Variants in MB21D2 observed in about 807,000 individuals in gnomAD.
MB21D2 encodes Mab-21 domain containing 2, also known as nucleotidyltransferase MB21D2.
In MB21D2, 9 loss-of-function variants were observed where a neutral mutation model predicts 33.3. That is an observed-to-expected ratio of 0.27 (90% CI 0.16 to 0.47). MB21D2 has a LOEUF of 0.47. Ranked by LOEUF, MB21D2 falls within the 20% of genes least tolerant of loss-of-function variation. MB21D2 has a pLI of 0.99. For synonymous variants in MB21D2, 241 were observed against 236.3 expected (o/e 1.02, Z -0.18); for missense variants, 540 against 624.6 (o/e 0.86, Z 1.44).
At chr3:192,864,262 A>G (rs1038842637) in intron 1 of MB21D2, among the ~76,000 whole-genome samples, 4 of 152,224 alleles carry the variant, frequency 2.6e-5, no homozygotes, top group Non-Finnish European at 5.9e-5. Context: ...GTGGGGAATA[A>G]GGAGGGAAGG....
At chr3:192,814,409 C>T (rs1408058453) in intron 1 of MB21D2, among the ~76,000 whole-genome samples, 1 of 152,162 alleles carries the variant, frequency 6.6e-6, no homozygotes, top group Non-Finnish European at 1.5e-5. Context: ...AAAACATACT[C>T]TATTGTTTGA....
chr3:192,820,351 G>A (rs991930058), intron 1 of MB21D2, among the ~76,000 whole-genome samples: 10 of 152,158 alleles, frequency 6.6e-5, no homozygotes, highest in South Asian at 4.2e-4. Flanking sequence ...TAACTCCCCC[G>A]AGATAACAAC....
At chr3:192,882,011 G>A (rs1713607036) in intron 1 of MB21D2, among the ~76,000 whole-genome samples, 1 of 152,114 alleles carries the variant, frequency 6.6e-6, no homozygotes, top group Admixed American at 6.5e-5. Flanking sequence ...CTCTTGCCTG[G>A]CTACTTCCTT....
chr3:192,817,959 T>C (rs532933849), intron 1 of MB21D2, among the ~76,000 whole-genome samples: 208 of 135,804 alleles, frequency 1.5e-3, no homozygotes, highest in African/African-American at 5.6e-3. Context: ...CCCAAACGGA[T>C]CCCCCACAAT....
chr3:192,848,803 T>C (rs1019043334), intron 1 of MB21D2, among the ~76,000 whole-genome samples: 4 of 152,342 alleles, frequency 2.6e-5, no homozygotes, highest in South Asian at 2.1e-4. Context: ...GACCTGGTCA[T>C]GTACAGCCAG....
chr3:192,799,298 G>C lies in MB21D2; in HGVS notation c.564C>G (p.Phe188Leu), dbSNP rs201517414. ...ATAGGACAATGCTGATAGAGTCATAGAACCAGTCAGCCACTTTGGTAGGTG... is the reference window on the plus strand; with the variant it reads ...ATAGGACAATGCTGATAGAGTCATACAACCAGTCAGCCACTTTGGTAGGTG... Reference protein sequence around the residue: ...FFSPTKVADWFYDSISIVLSE... With the variant: ...FFSPTKVADWLYDSISIVLSE... The change falls in exon 2 of 2, where the codon TTC (phenylalanine) becomes TTG (leucine). Residue 188 changes from phenylalanine to leucine, a missense_variant. Transcript: ENST00000392452. The surrounding 1 kb of genome is among the most constrained non-coding windows in gnomAD (Gnocchi z 4.1). 1.3e-4 allele frequency: 212 copies of C among 1,614,118 alleles called. 1 individual carries two copies. The highest frequency in any genetic ancestry group is 5.1e-6 in the Non-Finnish European group (6 of 1,180,056).
At chr3:192,825,371 T>C (rs1465235070) in intron 1 of MB21D2, among the ~76,000 whole-genome samples, 1 of 152,166 alleles carries the variant, frequency 6.6e-6, no homozygotes, top group East Asian at 1.9e-4. Context: ...CAAATTCTCA[T>C]GCCAGAGCAA....
intron 1 of MB21D2, among the ~76,000 whole-genome samples, chr3:192,840,301 C>T (rs1712538065): frequency 6.6e-6 from 1 of 151,764 alleles, no homozygotes. Context: ...TCAAAGTCAA[C>T]CAAAAGGACC....
In MB21D2 at chr3:192,798,725, G is replaced by A. The variant is rs777147620; in HGVS notation, c.1137C>T (p.Ile379=). 3.1e-6 allele frequency: 5 copies of A among 1,613,290 alleles called. No individual in the cohort carries two copies. The Admixed American group carries it at 8.3e-5, about 27-fold the overall frequency. The part of the protein sequence containing the change: ...LVNKMCPNYF[I]PQCNMLEHLS... ...GATGTTCCAGCATGTTGCACTGAGG[G>A]ATGAAATAATTGGGGCACATCTTGT... Residue 379 remains isoleucine, a synonymous_variant, in exon 2 of 2, where the codon ATC becomes ATT. Transcript: ENST00000392452. This position sits in a 1 kb window ranked among gnomAD's most constrained non-coding sequence, Gnocchi z 4.8.
intron 1 of MB21D2, among the ~76,000 whole-genome samples, chr3:192,852,583 A>C (rs1373109238): frequency 6.6e-6 from 1 of 152,252 alleles, no homozygotes; most frequent in East Asian, 1.9e-4. Context: ...TCATAGTGAA[A>C]AGAAAAAACA....
chr3:192,818,992 G>A lies in MB21D2; in HGVS notation c.212-19342C>T, dbSNP rs1003989827. ...TGAATATCCGAGAGGCAGGAATTGA[G>A]TTTTTTTTTTGCTAGAATCTGAACT... On this transcript the variant is annotated intron_variant, in intron 1 of 1. Transcript: ENST00000392452. Among the ~76,000 whole-genome samples, 3 of 150,548 alleles carry A rather than the reference G, an allele frequency of 2.0e-5. No homozygotes were observed. In the South Asian group the frequency reaches 6.3e-4, roughly 32 times the overall value.
chr3:192,874,747 G>A (rs778777175), intron 1 of MB21D2, among the ~76,000 whole-genome samples: 5 of 152,162 alleles, frequency 3.3e-5, no homozygotes, highest in Non-Finnish European at 7.3e-5. Flanking sequence ...GGGGAGCACA[G>A]CAGAAAAACA....
At chr3:192,829,853 T>C (rs757401504) in intron 1 of MB21D2, among the ~76,000 whole-genome samples, 25 of 152,102 alleles carry the variant, frequency 1.6e-4, no homozygotes, top group Non-Finnish European at 3.1e-4. Context: ...CAGCCTCCTG[T>C]GTAGCCGGGA....
chr3:192,826,507 G>A (rs1173685758), intron 1 of MB21D2, among the ~76,000 whole-genome samples: 2 of 152,214 alleles, frequency 1.3e-5, no homozygotes, highest in African/African-American at 4.8e-5. Flanking sequence ...GCCTGGCTGT[G>A]TGACAGAATG....
chr3:192,813,740 A>G (rs1711844075), intron 1 of MB21D2, among the ~76,000 whole-genome samples: 1 of 152,170 alleles, frequency 6.6e-6, no homozygotes, highest in Non-Finnish European at 1.5e-5. Flanking sequence ...CTGACCACAC[A>G]CAATTATTTT....
rs567143638 is a variant in MB21D2, at chr3:192,814,069, G to C, written c.212-14419C>G. On this transcript the variant is annotated intron_variant, in intron 1 of 1. Transcript: ENST00000392452. ...TTTGCCTTCGTTTAAATAAGTAAAT[G>C]TTATTTCAAATACTAATTTCCTCAA... is the stretch of plus-strand genomic sequence containing the variant. Among the ~76,000 whole-genome samples, 4 of 152,238 alleles carry C rather than the reference G, an allele frequency of 2.6e-5. No homozygotes were observed. The East Asian group carries it at 7.7e-4, about 29-fold the overall frequency.
intron 1 of MB21D2, among the ~76,000 whole-genome samples, chr3:192,898,972 C>T (rs889243810): frequency 1.3e-5 from 2 of 152,166 alleles, no homozygotes; most frequent in Non-Finnish European, 2.9e-5. Flanking sequence ...GAAAGGCCAA[C>T]GTGGTTGAAA....
rs751396469 is a variant in MB21D2 at position 192,797,162 on chromosome 3, C to G, written c.*1224G>C. On this transcript the variant is annotated 3_prime_UTR_variant, in exon 2 of 2. Transcript: ENST00000392452. ...AGTAACTTCACTCATGAAGACAGGACACCTCTATACCAAGGCTGCCACCCA... is the reference window on the plus strand; with the variant it reads ...AGTAACTTCACTCATGAAGACAGGAGACCTCTATACCAAGGCTGCCACCCA... 1 of 152,668 alleles carries G rather than the reference C, an allele frequency of 6.6e-6. No individual in the cohort carries two copies. The highest frequency in any genetic ancestry group is 1.5e-5 in the Non-Finnish European group (1 of 68,076). The allele number at this position is 152,668 out of a possible 1,614,324, so 9.5% of individuals were successfully genotyped here. A position where few individuals can be genotyped will look rare whatever the true frequency, so the allele number is the denominator to read the frequency against.
chr3:192,841,983 C>G (rs1347748104), intron 1 of MB21D2, among the ~76,000 whole-genome samples: 2 of 152,086 alleles, frequency 1.3e-5, no homozygotes, highest in Admixed American at 1.3e-4. Flanking sequence ...GGTCAAGAGC[C>G]AGGGATGGCA....
Sources: allele counts gnomAD v4.1 joint callset (sites outside exome capture counted in the v4.1 genomes callset), GRCh38; gene constraint gnomAD v4.1.1; non-coding constraint Gnocchi (gnomAD v3.1); transcripts MANE v1.5; gene names NCBI Gene and HGNC (gene_info 2026-07-23, HGNC 2026-07-21).